The following THSD7B variants were observed in gnomAD, a reference collection of about 807,000 sequenced individuals.
The protein encoded by THSD7B is thrombospondin type 1 domain containing 7B.
In THSD7B, 138 loss-of-function variants were observed where a neutral mutation model predicts 213.6. That is an observed-to-expected ratio of 0.65 (90% CI 0.56 to 0.74). THSD7B has a LOEUF of 0.74. Ranked by LOEUF, THSD7B falls within the 30% of genes least tolerant of loss-of-function variation. The pLI, the probability that THSD7B is intolerant of heterozygous loss-of-function variation, is 0.00. For synonymous variants in THSD7B, 742 were observed against 687.0 expected, an observed-to-expected ratio of 1.08 and a Z score of -1.25; for missense variants, 1,931 against 1,991.5, an observed-to-expected ratio of 0.97 and a Z score of 0.58.
rs10174971 is a variant in THSD7B, at chr2:137,341,091, G to A, written c.2501-64522G>A. Among the ~76,000 whole-genome samples the A allele has an allele frequency of 2.0e-5, 3 of 146,604 alleles. 1 individual carries two copies. The highest frequency in any genetic ancestry group is 5.0e-5 in the African/African-American group (2 of 39,726). On this transcript the variant is annotated intron_variant, in intron 12 of 27. Coordinates refer to ENST00000409968, the MANE Select transcript of THSD7B (RefSeq NM_001316349.2). ...CCTTTTCTCGAGGTTCCCTTTTCTCGACATCCTTGCCAACACTTGTTATCT... is the reference window on the plus strand; with the variant it reads ...CCTTTTCTCGAGGTTCCCTTTTCTCAACATCCTTGCCAACACTTGTTATCT...
At chr2:137,185,744 G>A (rs573247616) in intron 7 of THSD7B, among the ~76,000 whole-genome samples, 1 of 151,974 alleles carries the variant, frequency 6.6e-6, no homozygotes, top group Non-Finnish European at 1.5e-5. Context: ...ATTTTCCTTT[G>A]GCTATATACT....
intron 10 of THSD7B, among the ~76,000 whole-genome samples, chr2:137,268,308 C>T (rs911239893): frequency 2.9e-4 from 44 of 151,534 alleles, no homozygotes; most frequent in Non-Finnish European, 6.0e-4. Context: ...CCCCCAGGCC[C>T]CCACCCCCCA....
At chr2:137,606,541 A>G (rs1474189102) in intron 17 of THSD7B, among the ~76,000 whole-genome samples, 1 of 152,078 alleles carries the variant, frequency 6.6e-6, no homozygotes, top group East Asian at 1.9e-4. Context: ...CACAAATATT[A>G]AAACAGAAAT....
chr2:136,960,461 T>C (rs1212112353), intron 2 of THSD7B, among the ~76,000 whole-genome samples: 1 of 152,092 alleles, frequency 6.6e-6, no homozygotes, highest in Non-Finnish European at 1.5e-5. Flanking sequence ...TAACGTCTCT[T>C]CCCCATGTAA....
chr2:137,434,056 T>C (rs1687241651), intron 14 of THSD7B, among the ~76,000 whole-genome samples: 1 of 152,228 alleles, frequency 6.6e-6, no homozygotes, highest in Non-Finnish European at 1.5e-5. Flanking sequence ...GCATGCCATC[T>C]GTGTCTTTAT....
intron 2 of THSD7B, among the ~76,000 whole-genome samples, chr2:136,971,542 T>C (rs1685403343): frequency 6.6e-6 from 1 of 151,134 alleles, no homozygotes; most frequent in African/African-American, 2.4e-5. Flanking sequence ...GCACTAAATA[T>C]TGTATAGAAA....
chr2:137,348,114 A>G (rs975720672), intron 12 of THSD7B, among the ~76,000 whole-genome samples: 16 of 151,698 alleles, frequency 1.1e-4, no homozygotes, highest in African/African-American at 3.6e-4. Flanking sequence ...GAACCATCTT[A>G]AAGGCTCTAA....
chr2:137,394,174 C>T (rs1462315009), intron 12 of THSD7B, among the ~76,000 whole-genome samples: 1 of 109,376 alleles, frequency 9.1e-6, no homozygotes, highest in Non-Finnish European at 2.0e-5. Flanking sequence ...AATTAGATCC[C>T]ATTTGTCAAT....
intron 10 of THSD7B, among the ~76,000 whole-genome samples, chr2:137,270,329 AG>A (rs1682704033): frequency 6.6e-6 from 1 of 152,160 alleles, no homozygotes; most frequent in Non-Finnish European, 1.5e-5. Flanking sequence ...GGTATAAAGC[AG>A]GTTGAAGAAG....
intron 14 of THSD7B, among the ~76,000 whole-genome samples, chr2:137,428,366 T>C (rs1687104758): frequency 6.6e-6 from 1 of 152,194 alleles, no homozygotes; most frequent in South Asian, 2.1e-4. Context: ...TACAAAATGA[T>C]TCAGCTGCTT....
chr2:136,773,550 A>G (rs1332823988), intron 1 of THSD7B, among the ~76,000 whole-genome samples: 1 of 152,126 alleles, frequency 6.6e-6, no homozygotes, highest in Non-Finnish European at 1.5e-5. Flanking sequence ...TGATTATGAA[A>G]GTTATTAATG....
At chr2:136,812,842 C>A (rs1324999098) in intron 1 of THSD7B, among the ~76,000 whole-genome samples, 1 of 152,172 alleles carries the variant, frequency 6.6e-6, no homozygotes, top group Admixed American at 6.5e-5. Context: ...ACATGCAAAT[C>A]TAATTCAGGA....
Position 137,370,759 on chromosome 2 carries a change from G to A in THSD7B, c.2501-34854G>A, listed in dbSNP as rs138573598. ...GCTGGAATTACATGTGTGAGCCACC[G>A]TGCCCAGCCCTTAATAATAAGGATT... On this transcript the variant is annotated intron_variant, in intron 12 of 27. Coordinates refer to ENST00000409968, the MANE Select transcript of THSD7B (RefSeq NM_001316349.2). Among the ~76,000 whole-genome samples, 1,094 of 152,048 alleles carry A rather than the reference G, an allele frequency of 7.2e-3. 4 individuals carry two copies. Among genetic ancestry groups the A allele is most frequent in the Non-Finnish European group, 0.012 (807 of 67,990 alleles).
intron 15 of THSD7B, among the ~76,000 whole-genome samples, chr2:137,514,594 G>A (rs566658672): frequency 1.3e-5 from 2 of 152,052 alleles, no homozygotes; most frequent in South Asian, 4.2e-4. Flanking sequence ...ATAGATTTTG[G>A]TACCAAGAGT....
At chr2:137,356,007 T>G (rs755285185) in intron 12 of THSD7B, among the ~76,000 whole-genome samples, 7 of 152,108 alleles carry the variant, frequency 4.6e-5, no homozygotes, top group Non-Finnish European at 1.0e-4. Context: ...CTGTGAGATC[T>G]ACTACAGCTG....
chr2:137,625,538 C>A (rs1396987277), intron 20 of THSD7B, among the ~76,000 whole-genome samples: 1 of 151,880 alleles, frequency 6.6e-6, no homozygotes, highest in Admixed American at 6.6e-5. Flanking sequence ...AAGTACAAAA[C>A]ATAGCAGGAC....
At chr2:136,888,229 G>C (rs1406780123) in intron 2 of THSD7B, among the ~76,000 whole-genome samples, 1 of 152,034 alleles carries the variant, frequency 6.6e-6, no homozygotes, top group Non-Finnish European at 1.5e-5. Context: ...AGTAGCTCAT[G>C]CTCAATGAAT....
chr2:136,800,783 A>T (rs2104921515), intron 1 of THSD7B, among the ~76,000 whole-genome samples: 1 of 151,924 alleles, frequency 6.6e-6, no homozygotes, highest in South Asian at 2.1e-4. Flanking sequence ...AGAGAGAGAG[A>T]GAGAGAGAGA....
At chr2:137,175,010 G>T (rs12104704) in intron 7 of THSD7B, among the ~76,000 whole-genome samples, 10,593 of 152,214 alleles carry the variant, frequency 0.07, 397 homozygotes, top group African/African-American at 0.094. Flanking sequence ...ATTGCCAGGT[G>T]TCACTGGTGA....
Sources: allele counts gnomAD v4.1 joint callset (sites outside exome capture counted in the v4.1 genomes callset), GRCh38; gene constraint gnomAD v4.1.1; transcripts MANE v1.5; gene names NCBI Gene and HGNC (gene_info 2026-07-23, HGNC 2026-07-21).